CSRP3: variants seen among roughly 807,000 people sequenced by gnomAD.
The protein encoded by CSRP3 is cysteine and glycine-rich protein 3.
CSRP3 carries 24 observed loss-of-function variants against 24.3 expected under a neutral mutation model. That is an observed-to-expected ratio of 0.99 (90% CI 0.71 to 1.39). The LOEUF is 1.39. Among genes scored for constraint, CSRP3 ranks in the 40% most tolerant of loss-of-function variants. The probability of loss-of-function intolerance (pLI) is 0.00; values close to 1 mark genes in which losing one functional copy is unlikely to be tolerated. For synonymous variants in CSRP3, 105 were observed against 94.0 expected (o/e 1.12, Z -0.68); for missense variants, 240 against 249.0 (o/e 0.96, Z 0.24).
chr11:19,190,439 A>G (rs1402966869), intron 2 of CSRP3, among the ~76,000 whole-genome samples: 1 of 152,276 alleles, frequency 6.6e-6, no homozygotes, highest in African/African-American at 2.4e-5. Flanking sequence ...TGTATATTGA[A>G]GTATACATTG....
chr11:19,200,546 C>A (rs141556248), intron 1 of CSRP3, among the ~76,000 whole-genome samples: 133 of 152,204 alleles, frequency 8.7e-4, no homozygotes, highest in African/African-American at 3.1e-3. Context: ...CCTGTGTCTC[C>A]TGTTTCTGAT....
rs80229721 is a variant in CSRP3, at chr11:19,199,295, C to T, written c.-29+2659G>A. Among the ~76,000 whole-genome samples, 641 of 152,190 alleles carry T rather than the reference C, an allele frequency of 4.2e-3. 6 individuals are homozygous for T. Among genetic ancestry groups the T allele is most frequent in the African/African-American group, 0.014 (593 of 41,528 alleles). On this transcript the variant is annotated intron_variant, in intron 1 of 5. Transcript: ENST00000265968. Reference sequence around the variant, plus strand: ...CTGAACCCAGATATATGACGTCCTCCGGCCAGAGGCCCTTTCACAGAGCCC... The same window carrying T: ...CTGAACCCAGATATATGACGTCCTCTGGCCAGAGGCCCTTTCACAGAGCCC...
chr11:19,197,518 T>TCTTTCTTC (rs1850752149), intron 1 of CSRP3, among the ~76,000 whole-genome samples: 2 of 117,738 alleles, frequency 1.7e-5, no homozygotes, highest in East Asian at 2.6e-4. Context: ...TTTCTTTCTT[T>TCTTTCTTC]CTTTCTTTCT....
chr11:19,185,907 G>C (rs555015804), intron 4 of CSRP3, among the ~76,000 whole-genome samples: 2 of 152,132 alleles, frequency 1.3e-5, no homozygotes, highest in Non-Finnish European at 2.9e-5. Context: ...GACATCTTTT[G>C]GGGGGATTGT....
At chr11:19,196,924 G>A (rs1328229271) in intron 1 of CSRP3, 1 of 152,232 alleles carries the variant, frequency 6.6e-6, no homozygotes, top group East Asian at 1.9e-4. Context: ...ATCCCGGTGA[G>A]AGACTACCTT....
chr11:19,183,820 T>G (rs1850478807), intron 5 of CSRP3, among the ~76,000 whole-genome samples: 1 of 152,140 alleles, frequency 6.6e-6, no homozygotes, highest in South Asian at 2.1e-4. Context: ...CTCATCTTGA[T>G]TAGCTCACAT....
chr11:19,198,005 A>T (rs573120309), intron 1 of CSRP3, among the ~76,000 whole-genome samples: 3 of 152,200 alleles, frequency 2.0e-5, no homozygotes, highest in Non-Finnish European at 4.4e-5. Context: ...GGGAAATTAC[A>T]TTAGTCCAAG....
chr11:19,186,483 G>C (rs1850528844), intron 3 of CSRP3, 135 bp from the exon 4 acceptor site: 1 of 1,158,652 alleles, frequency 8.6e-7, no homozygotes, highest in African/African-American at 1.5e-5. Flanking sequence ...TAATGATGGT[G>C]TCTTTCTCAT....
intron 2 of CSRP3, among the ~76,000 whole-genome samples, chr11:19,189,492 A>G (rs1167716195): frequency 6.6e-6 from 1 of 152,268 alleles, no homozygotes; most frequent in Non-Finnish European, 1.5e-5. Context: ...TGTGCATTAA[A>G]TGTATTTGCC....
At chr11:19,186,017 A>G (rs1433201996) in intron 4 of CSRP3, among the ~76,000 whole-genome samples, 199 bp downstream of exon 4, 3 of 152,098 alleles carry the variant, frequency 2.0e-5, no homozygotes, top group South Asian at 2.1e-4. Flanking sequence ...AAACTGCACC[A>G]GTTCCAGCTT....
chr11:19,201,637 A>T (rs1850845762), intron 1 of CSRP3, among the ~76,000 whole-genome samples: 1 of 152,244 alleles, frequency 6.6e-6, no homozygotes, highest in South Asian at 2.1e-4. Flanking sequence ...CCCGCTTTCC[A>T]GTTGTTCCAA....
chr11:19,192,801 G>A lies in CSRP3; in HGVS notation c.-28-325C>T, dbSNP rs189017725. ...GTACATAAAAGTATATACAAAGATC[G>A]TTTTTTTTTTCATCTCAAGTTTAAA... is the stretch of plus-strand genomic sequence containing the variant. On this transcript the variant is annotated intron_variant, in intron 1 of 5. Coordinates refer to ENST00000265968, the MANE Select transcript of CSRP3 (RefSeq NM_003476.5). Among the ~76,000 whole-genome samples the A allele has an allele frequency of 9.5e-5, 14 of 147,916 alleles. No homozygotes were observed. In the East Asian group the frequency reaches 2.8e-3, roughly 29 times the overall value.
chr11:19,192,639 A>C (rs1013397433), intron 1 of CSRP3, among the ~76,000 whole-genome samples, 163 bp from the exon 2 acceptor site: 1 of 152,192 alleles, frequency 6.6e-6, no homozygotes, highest in African/African-American at 2.4e-5. Context: ...GTCATTAAAT[A>C]AGCTCAGACA....
chr11:19,196,915 T>C (rs1234729552), intron 1 of CSRP3: 1 of 152,220 alleles, frequency 6.6e-6, no homozygotes, highest in Non-Finnish European at 1.5e-5. Context: ...GATACTCAGA[T>C]CCCGGTGAGA....
rs752103761 is a variant in CSRP3, at chr11:19,182,644, A to G, written c.*26T>C. 1 of 1,607,956 alleles carries G rather than the reference A, an allele frequency of 6.2e-7. No individual in the cohort carries two copies. Among genetic ancestry groups the G allele is most frequent in the South Asian group, 1.1e-5 (1 of 90,932 alleles). On this transcript the variant is annotated 3_prime_UTR_variant, in exon 6 of 6. Transcript: ENST00000265968. The stretch of plus-strand genomic sequence containing the variant: ...ACTTGGCAAGTGTTTTAGGCTCGCA[A>G]AAAATCTGAGAAACGGCGCACCTCT...
intron 2 of CSRP3, among the ~76,000 whole-genome samples, chr11:19,191,342 A>C (rs1489932520): frequency 6.6e-6 from 1 of 152,256 alleles, no homozygotes; most frequent in South Asian, 2.1e-4. Context: ...TTTCAATTGC[A>C]TGGATGCCTT....
chr11:19,184,877 G>T, intron 5 of CSRP3, 75 bp downstream of exon 5: 1 of 1,110,478 alleles, frequency 9.0e-7, no homozygotes. Context: ...AGACCTCCAG[G>T]CATGAACGTA....
At chr11:19,187,864 G>A (rs1437282335) in intron 3 of CSRP3, among the ~76,000 whole-genome samples, 1 of 152,178 alleles carries the variant, frequency 6.6e-6, no homozygotes, top group Non-Finnish European at 1.5e-5. Flanking sequence ...TCAAACAATG[G>A]AACATCTGTA....
At chr11:19,195,252 T>C (rs1456842388) in intron 1 of CSRP3, among the ~76,000 whole-genome samples, 1 of 152,018 alleles carries the variant, frequency 6.6e-6, no homozygotes, top group African/African-American at 2.4e-5. Context: ...CAAATTTGTT[T>C]ATTTTGGACT....
Sources: allele counts gnomAD v4.1 joint callset (sites outside exome capture counted in the v4.1 genomes callset), GRCh38; gene constraint gnomAD v4.1.1; transcripts MANE v1.5; gene names NCBI Gene and HGNC (gene_info 2026-07-23, HGNC 2026-07-21).